Variants in TSPAN9 observed in about 807,000 individuals in gnomAD.
The protein encoded by TSPAN9 is tetraspanin-9.
In TSPAN9, 16 loss-of-function variants were observed where a neutral mutation model predicts 31.0. That is an observed-to-expected ratio of 0.52 (90% confidence interval 0.35 to 0.78). The LOEUF (loss-of-function observed/expected upper bound fraction) is 0.78. Among genes scored for constraint, TSPAN9 ranks in the 30% least tolerant of loss-of-function variants. TSPAN9 has a pLI of 0.01. For synonymous variants in TSPAN9, 145 were observed against 121.6 expected, an observed-to-expected ratio of 1.19 and a Z score of -1.27; for missense variants, 272 against 312.5, an observed-to-expected ratio of 0.87 and a Z score of 0.98.
At chr12:3,164,616 G>A (rs1227307772) in intron 2 of TSPAN9, among the ~76,000 whole-genome samples, 3 of 152,218 alleles carry the variant, frequency 2.0e-5, no homozygotes, top group Non-Finnish European at 4.4e-5. Flanking sequence ...GAGGCATCTT[G>A]CGGTGACTCC....
intron 2 of TSPAN9, among the ~76,000 whole-genome samples, chr12:3,087,053 G>A (rs547944570): frequency 1.3e-5 from 2 of 152,332 alleles, no homozygotes; most frequent in South Asian, 2.1e-4. Flanking sequence ...TGGGGTGGGA[G>A]GGATTCTCAG....
At chr12:3,276,613 C>T (rs1366166288) in intron 3 of TSPAN9, among the ~76,000 whole-genome samples, 3 of 152,224 alleles carry the variant, frequency 2.0e-5, no homozygotes. Context: ...CCTTCGCTGC[C>T]CACACCCTCC....
At chr12:3,077,780 C>T (rs2098295843) in intron 1 of TSPAN9, among the ~76,000 whole-genome samples, 1 of 152,108 alleles carries the variant, frequency 6.6e-6, no homozygotes, top group African/African-American at 2.4e-5. Flanking sequence ...CAAGGGTTTC[C>T]GACTGTGTGA....
At chr12:3,212,961 AGAGG>A (rs2098379522) in intron 3 of TSPAN9, among the ~76,000 whole-genome samples, 1 of 151,830 alleles carries the variant, frequency 6.6e-6, no homozygotes, top group South Asian at 2.1e-4. Flanking sequence ...GTGGACAAGC[AGAGG>A]GAGTGGGGAG....
At position 3,281,102 on chromosome 12, in the gene TSPAN9, T is replaced by A. The variant is rs974920723; in HGVS notation, c.433-96T>A. The stretch of plus-strand genomic sequence containing the variant: ...CCCTTAACTGCAGGGTGGCCACTTT[T>A]GCGGGGACTGGGGTTGGCCTGGGCA... On this transcript the variant is annotated intron_variant, in intron 6 of 8. Transcript: ENST00000011898. 1.1e-5 allele frequency: 16 copies of A among 1,521,124 alleles called. No homozygotes were observed. In the Admixed American group the frequency reaches 3.7e-4, roughly 35 times the overall value. 94.2% of individuals were successfully genotyped at this position (1,521,124 alleles called of 1,614,324 possible).
chr12:3,200,845 C>T (rs1006675163), intron 2 of TSPAN9: 1 of 231,080 alleles, frequency 4.3e-6, no homozygotes, highest in African/African-American at 2.3e-5. Flanking sequence ...AGCCCGCGCC[C>T]GACTTGGGCG....
At chr12:3,232,736 A>G (rs1458761844) in intron 3 of TSPAN9, among the ~76,000 whole-genome samples, 1 of 152,148 alleles carries the variant, frequency 6.6e-6, no homozygotes, top group Non-Finnish European at 1.5e-5. Context: ...GATTTGGTGC[A>G]TGGGTCTGGC....
chr12:3,192,719 C>T lies in TSPAN9; in HGVS notation c.-17-8458C>T, dbSNP rs540393044. 6.6e-6 allele frequency among the ~76,000 whole-genome samples: 1 copy of T among 152,044 alleles called. No homozygotes were observed. Among genetic ancestry groups the T allele is most frequent in the East Asian group, 1.9e-4 (1 of 5,164 alleles). On this transcript the variant is annotated intron_variant, in intron 2 of 8. Coordinates refer to ENST00000011898, the MANE Select transcript of TSPAN9 (RefSeq NM_006675.5). The surrounding 1 kb of genome is among the most constrained non-coding windows in gnomAD (Gnocchi z 4.6). ...TAGGGGGTCAACAGCATGCAGATGG[C>T]CCTGGAACGGAGGAGATGGTCATAT...
chr12:3,284,623 T>G lies in TSPAN9; in HGVS notation c.*1507T>G, dbSNP rs1352471365. On this transcript the variant is annotated 3_prime_UTR_variant, in exon 9 of 9. Transcript: ENST00000011898. ...ACGGGCTGGGGAGTGAGGCCAGGAG[T>G]GGGATTCAGCTGCAGCAGGGCGCCC... is the stretch of plus-strand genomic sequence containing the variant. 1.3e-5 allele frequency: 2 copies of G among 151,640 alleles called. No homozygotes were observed. The highest frequency in any genetic ancestry group is 2.9e-5 in the Non-Finnish European group (2 of 67,874). 9.4% of individuals were successfully genotyped at this position (151,640 alleles called of 1,614,324 possible). A position where few individuals can be genotyped will look rare whatever the true frequency, so the allele number is the denominator to read the frequency against.
At chr12:3,088,175 A>G (rs745945652) in intron 2 of TSPAN9, among the ~76,000 whole-genome samples, 62 of 152,218 alleles carry the variant, frequency 4.1e-4, no homozygotes, top group Non-Finnish European at 7.8e-4. Flanking sequence ...TGGGCTTGCA[A>G]TTTTCCACTT....
intron 2 of TSPAN9, among the ~76,000 whole-genome samples, chr12:3,109,468 TG>T (rs1023210562): frequency 6.6e-6 from 1 of 152,000 alleles, no homozygotes; most frequent in Non-Finnish European, 1.5e-5. Context: ...CTGGGCCTTG[TG>T]TAGGGTGACC....
Position 3,136,327 on chromosome 12 carries a change from C to T in TSPAN9, c.-18+52608C>T, listed in dbSNP as rs577956160. ...GGCTCCAGAGTCCCGGGATAAGTCA[C>T]GCACCACTCATCGTGGGCATTCTTA... On this transcript the variant is annotated intron_variant, in intron 2 of 8. Coordinates refer to ENST00000011898, the MANE Select transcript of TSPAN9 (RefSeq NM_006675.5). Among the ~76,000 whole-genome samples, 20 of 152,330 alleles carry T rather than the reference C, an allele frequency of 1.3e-4. No individual in the cohort carries two copies. In the South Asian group the frequency reaches 2.1e-3, roughly 16 times the overall value.
chr12:3,151,068 A>C (rs1221403882), intron 2 of TSPAN9: 1 of 152,240 alleles, frequency 6.6e-6, no homozygotes, highest in Admixed American at 6.5e-5. Context: ...CAGGTCCCTG[A>C]AGAGCTATAA....
intron 2 of TSPAN9, among the ~76,000 whole-genome samples, chr12:3,167,242 TCTCA>T (rs1283897921): frequency 2.0e-5 from 3 of 152,216 alleles, no homozygotes; most frequent in Non-Finnish European, 4.4e-5. Flanking sequence ...TAATGAGATA[TCTCA>T]CTGTGACTGT....
intron 2 of TSPAN9, among the ~76,000 whole-genome samples, chr12:3,118,270 T>TTG: frequency 8.7e-6 from 1 of 114,562 alleles, no homozygotes; most frequent in Non-Finnish European, 1.9e-5. Context: ...TTTTTTTTTT[T>TTG]TTTTTTTTTT....
intron 2 of TSPAN9, among the ~76,000 whole-genome samples, chr12:3,176,710 C>T (rs957591846): frequency 6.6e-6 from 1 of 152,234 alleles, no homozygotes; most frequent in Non-Finnish European, 1.5e-5. Flanking sequence ...AAGTATCTGT[C>T]CTACATTAGG....
chr12:3,106,088 G>GCGCA lies in TSPAN9; in HGVS notation c.-18+22375_-18+22378dup, dbSNP rs1321517437. On this transcript the variant is annotated intron_variant, in intron 2 of 8. Transcript: ENST00000011898. Reference sequence around the variant, plus strand: ...ATAGCATGCACACTCGCTCTTGTGCGCGCACGCACACACACACATGCCTGC... The same window carrying GCGCA: ...ATAGCATGCACACTCGCTCTTGTGCGCGCACGCACGCACACACACACATGCCTGC... 3.3e-5 allele frequency among the ~76,000 whole-genome samples: 5 copies of GCGCA among 151,696 alleles called. No individual in the cohort carries two copies. In the East Asian group the frequency reaches 9.9e-4, roughly 30 times the overall value.
chr12:3,276,570 G>T (rs1054274051), intron 3 of TSPAN9, among the ~76,000 whole-genome samples: 13 of 152,118 alleles, frequency 8.5e-5, no homozygotes, highest in African/African-American at 2.9e-4. Flanking sequence ...TGTTTATTTG[G>T]GTTTTTGCTT....
chr12:3,138,183 C>T (rs1367903248), intron 2 of TSPAN9, among the ~76,000 whole-genome samples: 1 of 152,210 alleles, frequency 6.6e-6, no homozygotes, highest in South Asian at 2.1e-4. Context: ...TTTTCCACCC[C>T]TGGGCTGGCC....
Sources: gnomAD v4.1 joint callset for allele counts (sites outside exome capture counted in the v4.1 genomes callset) on GRCh38, gnomAD v4.1.1 for gene constraint, Gnocchi (gnomAD v3.1) non-coding constraint, MANE v1.5 for transcripts, NCBI Gene and HGNC (gene_info 2026-07-23, HGNC 2026-07-21) for gene names.